The following MACROD2 variants were observed in gnomAD, a reference collection of about 807,000 sequenced individuals.
MACROD2 encodes the protein ADP-ribose glycohydrolase MACROD2.
MACROD2 carries 36 observed loss-of-function variants against 70.4 expected under a neutral mutation model. The ratio of observed to expected loss-of-function variants is 0.51; its 90% CI spans 0.39 to 0.68. The LOEUF (loss-of-function observed/expected upper bound fraction) is 0.68, where lower values mean the gene tolerates loss of function less well. Ranked by LOEUF, MACROD2 falls within the 30% of genes least tolerant of loss-of-function variation. The pLI is 0.00. For synonymous variants in MACROD2, 172 were observed against 178.8 expected, an observed-to-expected ratio of 0.96 and a Z score of 0.30; for missense variants, 496 against 538.4, an observed-to-expected ratio of 0.92 and a Z score of 0.78.
intron 4 of MACROD2, among the ~76,000 whole-genome samples, chr20:14,630,019 C>T (rs566904661): frequency 1.3e-4 from 20 of 151,756 alleles, no homozygotes; most frequent in Non-Finnish European, 2.8e-4. Context: ...TTAAGATTCA[C>T]GACAACCCCA....
intron 5 of MACROD2, among the ~76,000 whole-genome samples, chr20:14,809,967 GC>G (rs1337992379): frequency 2.0e-5 from 3 of 151,872 alleles, no homozygotes; most frequent in African/African-American, 7.3e-5. Context: ...CCAAAAAAAG[GC>G]CCAGGACCAG....
chr20:14,014,097 A>G (rs1052399655), intron 2 of MACROD2, among the ~76,000 whole-genome samples: 2 of 152,142 alleles, frequency 1.3e-5, no homozygotes, highest in African/African-American at 4.8e-5. Context: ...TCTTTTTAAC[A>G]TATTAAATGA....
chr20:14,479,117 T>C (rs2084632194), intron 3 of MACROD2, among the ~76,000 whole-genome samples: 1 of 152,242 alleles, frequency 6.6e-6, no homozygotes, highest in South Asian at 2.1e-4. Context: ...AAGAAATGAC[T>C]TCTGAGGCCA....
rs778142501 is a variant in MACROD2 at position 15,869,210 on chromosome 20, C to CATATAT, written c.727+6408_727+6413dup. 4.5e-3 allele frequency among the ~76,000 whole-genome samples: 234 copies of CATATAT among 51,866 alleles called. 13 individuals carry two copies. The highest frequency in any genetic ancestry group is 0.014 in the Middle Eastern group (1 of 70). 34.0% of individuals were successfully genotyped at this position (51,866 alleles called of 152,430 possible). A position where few individuals can be genotyped will look rare whatever the true frequency, so the allele number is the denominator to read the frequency against. On this transcript the variant is annotated intron_variant, in intron 9 of 17. Transcript: ENST00000684519. ...GTCAACTTTACTTAAATGTGATTAA[C>CATATAT]ATATATATATATATATATATATATA...
intron 8 of MACROD2, among the ~76,000 whole-genome samples, chr20:15,607,689 A>G (rs1048035192): frequency 1.3e-5 from 2 of 152,096 alleles, no homozygotes; most frequent in Admixed American, 6.6e-5. Flanking sequence ...GCTCACCACC[A>G]CACCCGGATA....
intron 10 of MACROD2, among the ~76,000 whole-genome samples, chr20:15,888,947 C>A (rs2064855252): frequency 6.6e-6 from 1 of 152,130 alleles, no homozygotes; most frequent in African/African-American, 2.4e-5. Flanking sequence ...TTTCCCCCGC[C>A]CTGCATCAAT....
Position 15,435,078 on chromosome 20 carries a change from T to C in MACROD2, c.571+3643T>C, listed in dbSNP as rs975239579. Among the ~76,000 whole-genome samples the C allele has an allele frequency of 2.6e-5, 4 of 152,120 alleles. No homozygotes were observed. In the East Asian group the frequency reaches 7.7e-4, roughly 29 times the overall value. On this transcript the variant is annotated intron_variant, in intron 7 of 17. Coordinates refer to ENST00000684519, the MANE Select transcript of MACROD2 (RefSeq NM_001351661.2). ...ACTGTCTGTTGGATGCAGTGTACACTGCTTGGGTGACAGGTACGCCAATAT... is the reference window on the plus strand; with the variant it reads ...ACTGTCTGTTGGATGCAGTGTACACCGCTTGGGTGACAGGTACGCCAATAT...
intron 4 of MACROD2, among the ~76,000 whole-genome samples, chr20:14,638,865 A>G (rs6042832): frequency 0.99 from 150,631 of 151,764 alleles, 74,756 homozygotes; most frequent in East Asian, 1. Context: ...CAGGAGAATC[A>G]CTTGAACCCA....
intron 7 of MACROD2, among the ~76,000 whole-genome samples, chr20:15,435,331 A>C (rs946388610): frequency 6.6e-6 from 1 of 152,176 alleles, no homozygotes; most frequent in Non-Finnish European, 1.5e-5. Context: ...ATAATTCATT[A>C]ACAATTCATC....
At chr20:15,521,652 C>T (rs952566670) in intron 8 of MACROD2, among the ~76,000 whole-genome samples, 7 of 152,148 alleles carry the variant, frequency 4.6e-5, no homozygotes, top group African/African-American at 1.7e-4. Flanking sequence ...TTACTTTCTG[C>T]CACCTCTTGG....
intron 5 of MACROD2, among the ~76,000 whole-genome samples, chr20:15,155,880 A>G (rs549942263): frequency 2.6e-5 from 4 of 152,130 alleles, no homozygotes; most frequent in East Asian, 1.9e-4. Flanking sequence ...AAATGACCCA[A>G]TGGCTTTTAG....
intron 5 of MACROD2, among the ~76,000 whole-genome samples, chr20:14,752,550 A>G: frequency 6.6e-6 from 1 of 152,072 alleles, no homozygotes; most frequent in Non-Finnish European, 1.5e-5. Flanking sequence ...TCTGAACCTC[A>G]TCTCCTTTTG....
At chr20:14,293,594 A>G (rs574824570) in intron 3 of MACROD2, among the ~76,000 whole-genome samples, 7 of 151,818 alleles carry the variant, frequency 4.6e-5, no homozygotes, top group Non-Finnish European at 7.4e-5. Flanking sequence ...GTAAGGTGTG[A>G]GTTCAGAGAG....
At chr20:14,406,126 T>A (rs893554300) in intron 3 of MACROD2, among the ~76,000 whole-genome samples, 1 of 152,092 alleles carries the variant, frequency 6.6e-6, no homozygotes. Context: ...GAGGACCTGT[T>A]TGACAAAAAT....
intron 6 of MACROD2, among the ~76,000 whole-genome samples, chr20:15,367,154 G>C (rs13036570): frequency 0.049 from 7,337 of 150,648 alleles, 260 homozygotes; most frequent in East Asian, 0.17. Flanking sequence ...CAGCCTCCTG[G>C]GTAGCTGGGA....
At chr20:14,163,615 A>G (rs763629680) in intron 3 of MACROD2, among the ~76,000 whole-genome samples, 4 of 151,658 alleles carry the variant, frequency 2.6e-5, no homozygotes, top group Non-Finnish European at 5.9e-5. Context: ...ATGGTATCCT[A>G]TGTCATCTAG....
At chr20:15,650,325 G>T (rs1306314902) in intron 8 of MACROD2, among the ~76,000 whole-genome samples, 1 of 152,122 alleles carries the variant, frequency 6.6e-6, no homozygotes, top group Non-Finnish European at 1.5e-5. Flanking sequence ...ACAGTTCCGT[G>T]GAGCAGGACA....
intron 5 of MACROD2, among the ~76,000 whole-genome samples, chr20:14,941,655 G>C (rs983459624): frequency 2.0e-5 from 3 of 152,094 alleles, no homozygotes; most frequent in Non-Finnish European, 4.4e-5. Context: ...AAAACTAGGT[G>C]CTATATATTT....
At position 15,643,704 on chromosome 20, in the gene MACROD2, A is replaced by T. The variant is rs537115447; in HGVS notation, c.645+143857A>T. ...CGTGTGCTAACCACTTTATCAAGCTAAACTTGATAAATCACTACAAAAATC... is the reference window on the plus strand; with the variant it reads ...CGTGTGCTAACCACTTTATCAAGCTTAACTTGATAAATCACTACAAAAATC... On this transcript the variant is annotated intron_variant, in intron 8 of 17. Transcript: ENST00000684519. Among the ~76,000 whole-genome samples, 19 of 152,360 alleles carry T rather than the reference A, an allele frequency of 1.2e-4. No individual in the cohort carries two copies. The East Asian group carries it at 3.5e-3, about 28-fold the overall frequency.
Sources: gnomAD v4.1 joint callset for allele counts (sites outside exome capture counted in the v4.1 genomes callset) on GRCh38, gnomAD v4.1.1 for gene constraint, MANE v1.5 for transcripts, NCBI Gene and HGNC (gene_info 2026-07-23, HGNC 2026-07-21) for gene names.